Variants in LINGO2 observed in about 807,000 individuals in gnomAD.
LINGO2 encodes the protein leucine-rich repeat and immunoglobulin-like domain-containing nogo receptor-interacting protein 2.
Under a neutral mutation model 30.6 loss-of-function variants are expected in LINGO2, and 14 were observed. The observed-to-expected ratio is 0.46, with a 90% CI of 0.30 to 0.72. The LOEUF (loss-of-function observed/expected upper bound fraction) is 0.72. Among genes scored for constraint, LINGO2 ranks in the 30% least tolerant of loss-of-function variants. The pLI, the probability that LINGO2 is intolerant of heterozygous loss-of-function variation, is 0.07. For missense variants in LINGO2, 729 were observed against 751.7 expected (o/e 0.97, Z 0.35); for synonymous variants, 317 against 288.5 (o/e 1.10, Z -1.00).
the LINGO2 span, among the ~76,000 whole-genome samples, chr9:28,725,487 A>G: frequency 6.6e-6 from 1 of 151,872 alleles, no homozygotes; most frequent in Non-Finnish European, 1.5e-5. Context: ...AAAGAGAACT[A>G]TCAATATACA....
intron 1 of LINGO2, among the ~76,000 whole-genome samples, chr9:28,522,536 T>G (rs1456967199): frequency 1.3e-5 from 2 of 152,058 alleles, no homozygotes; most frequent in Non-Finnish European, 2.9e-5. Flanking sequence ...AGCAGAAAAA[T>G]ATAAAAGTCT....
chr9:28,517,338 T>C (rs1820660270), intron 1 of LINGO2, among the ~76,000 whole-genome samples: 1 of 152,236 alleles, frequency 6.6e-6, no homozygotes, highest in Admixed American at 6.5e-5. Flanking sequence ...TTTCTCTTTG[T>C]AATTGAAAAC....
At chr9:28,392,594 T>C (rs144572183) in intron 2 of LINGO2, among the ~76,000 whole-genome samples, 1,582 of 152,136 alleles carry the variant, frequency 0.01, 23 homozygotes, top group South Asian at 0.04. Context: ...CACCTGGAGG[T>C]GTTCATCAAC....
At chr9:29,060,977 T>C in the LINGO2 span, among the ~76,000 whole-genome samples, 5 of 151,760 alleles carry the variant, frequency 3.3e-5, no homozygotes, top group African/African-American at 1.2e-4. Flanking sequence ...TTTGAAGAAA[T>C]AATGGCTGAA....
intron 4 of LINGO2, among the ~76,000 whole-genome samples, chr9:28,231,796 G>A (rs1230381006): frequency 6.6e-6 from 1 of 151,966 alleles, no homozygotes; most frequent in Non-Finnish European, 1.5e-5. Flanking sequence ...AACACACTCA[G>A]TTTCAATGAT....
the LINGO2 span, among the ~76,000 whole-genome samples, chr9:28,720,341 T>A: frequency 6.6e-6 from 1 of 152,090 alleles, no homozygotes; most frequent in Admixed American, 6.6e-5. Context: ...TTTGCTTAGT[T>A]TGCTCTTCTC....
chr9:28,617,102 G>A (rs1826162634), intron 1 of LINGO2, among the ~76,000 whole-genome samples: 1 of 151,910 alleles, frequency 6.6e-6, no homozygotes, highest in African/African-American at 2.4e-5. Flanking sequence ...TAAAAAATAA[G>A]TCCTATTAAT....
the LINGO2 span, among the ~76,000 whole-genome samples, chr9:28,845,911 G>A: frequency 6.6e-6 from 1 of 151,546 alleles, no homozygotes; most frequent in Non-Finnish European, 1.5e-5. Context: ...TCCCATTGGT[G>A]TTCTCTAATT....
the LINGO2 span, among the ~76,000 whole-genome samples, chr9:29,149,760 A>G: frequency 6.6e-6 from 1 of 152,176 alleles, no homozygotes; most frequent in East Asian, 1.9e-4. Context: ...GGTTTGATAC[A>G]TGGGGCAGCT....
At chr9:28,644,494 A>G (rs56683087) in intron 1 of LINGO2, among the ~76,000 whole-genome samples, 4,429 of 151,948 alleles carry the variant, frequency 0.029, 163 homozygotes, top group African/African-American at 0.075. Flanking sequence ...ACTCATATAC[A>G]TATAGAGTGG....
At chr9:28,773,630 T>G in the LINGO2 span, among the ~76,000 whole-genome samples, 1 of 152,146 alleles carries the variant, frequency 6.6e-6, no homozygotes, top group Non-Finnish European at 1.5e-5. Context: ...CTATTATTCA[T>G]GCTGCTTGTT....
chr9:28,318,881 C>T (rs1405201174), intron 3 of LINGO2, among the ~76,000 whole-genome samples: 2 of 152,160 alleles, frequency 1.3e-5, no homozygotes, highest in Non-Finnish European at 1.5e-5. Flanking sequence ...ACTTAATCCT[C>T]ATAACAATAA....
chr9:28,932,505 G>T, the LINGO2 span, among the ~76,000 whole-genome samples: 7 of 152,130 alleles, frequency 4.6e-5, no homozygotes, highest in Admixed American at 4.6e-4. Context: ...TATGCTAAGC[G>T]TGTTTAAGAC....
chr9:28,370,131 T>C (rs1820837082), intron 3 of LINGO2, among the ~76,000 whole-genome samples: 1 of 152,176 alleles, frequency 6.6e-6, no homozygotes, highest in South Asian at 2.1e-4. Context: ...ATTCCTAATC[T>C]TTCTTCTGTA....
chr9:28,823,379 A>G, the LINGO2 span, among the ~76,000 whole-genome samples: 1 of 152,226 alleles, frequency 6.6e-6, no homozygotes. Context: ...ATAGGTCAAT[A>G]TATCAAAAGG....
the LINGO2 span, among the ~76,000 whole-genome samples, chr9:28,705,264 G>T: frequency 2.0e-5 from 3 of 152,054 alleles, no homozygotes; most frequent in South Asian, 2.1e-4. Context: ...CTAGGTAAAA[G>T]AAATTATAGT....
chr9:28,852,898 G>A, the LINGO2 span, among the ~76,000 whole-genome samples: 1 of 151,922 alleles, frequency 6.6e-6, no homozygotes, highest in South Asian at 2.1e-4. Flanking sequence ...CAATCATAAT[G>A]TTCCTCATTT....
At chr9:28,510,296 C>G (rs1820319106) in intron 1 of LINGO2, among the ~76,000 whole-genome samples, 1 of 152,102 alleles carries the variant, frequency 6.6e-6, no homozygotes, top group South Asian at 2.1e-4. Context: ...CTTCTGTTGA[C>G]TGGAAGCCTT....
At chr9:28,122,158 T>C (rs1422710738) in intron 4 of LINGO2, among the ~76,000 whole-genome samples, 1 of 152,192 alleles carries the variant, frequency 6.6e-6, no homozygotes, top group Non-Finnish European at 1.5e-5. Flanking sequence ...TAGGAAAGCT[T>C]AAAACGAAAC....
Sources: allele counts gnomAD v4.1 joint callset (sites outside exome capture counted in the v4.1 genomes callset), GRCh38; gene constraint gnomAD v4.1.1; transcripts MANE v1.5; gene names NCBI Gene and HGNC (gene_info 2026-07-23, HGNC 2026-07-21).